The following PRORP variants were observed in gnomAD, a reference collection of about 807,000 sequenced individuals.
PRORP encodes the protein mitochondrial ribonuclease P catalytic subunit.
In PRORP, 51 loss-of-function variants were observed where a neutral mutation model predicts 59.4. The ratio of observed to expected loss-of-function variants is 0.86; its 90% CI spans 0.69 to 1.08. The LOEUF (loss-of-function observed/expected upper bound fraction) is 1.08, where lower values mean the gene tolerates loss of function less well. Ranked by LOEUF, PRORP falls within the 50% of genes least tolerant of loss-of-function variation. PRORP has a pLI of 0.00. For missense variants in PRORP, 646 were observed against 690.3 expected (o/e 0.94, Z 0.72); for synonymous variants, 231 against 245.6 (o/e 0.94, Z 0.55).
chr14:35,177,955 C>T lies in PRORP; in HGVS notation c.1168-2715C>T, dbSNP rs185596077. Among the ~76,000 whole-genome samples, 609 of 152,278 alleles carry T rather than the reference C, an allele frequency of 4.0e-3. 5 individuals are homozygous for T. Among genetic ancestry groups the T allele is most frequent in the African/African-American group, 0.014 (575 of 41,552 alleles). ...TTCTGGTATGTTTTGTCTTTGTTCTCATTGGTTTCAAAGAACATCTTTATT... is the reference window on the plus strand; with the variant it reads ...TTCTGGTATGTTTTGTCTTTGTTCTTATTGGTTTCAAAGAACATCTTTATT... On this transcript the variant is annotated intron_variant, in intron 4 of 7. Coordinates refer to ENST00000534898, the MANE Select transcript of PRORP (RefSeq NM_014672.4).
chr14:35,187,758 G>A (rs1310086863), intron 5 of PRORP, among the ~76,000 whole-genome samples: 1 of 151,886 alleles, frequency 6.6e-6, no homozygotes, highest in Non-Finnish European at 1.5e-5. Context: ...ATTTGCATTT[G>A]TTAATGATGC....
intron 4 of PRORP, among the ~76,000 whole-genome samples, chr14:35,152,741 AC>A (rs1364302102): frequency 6.7e-6 from 1 of 148,536 alleles, no homozygotes; most frequent in African/African-American, 2.5e-5. Flanking sequence ...GACGCTCCTC[AC>A]CTCCCAGACG....
At chr14:35,237,024 T>C (rs1419014192) in intron 5 of PRORP, among the ~76,000 whole-genome samples, 1 of 144,050 alleles carries the variant, frequency 6.9e-6, no homozygotes, top group Non-Finnish European at 1.5e-5. Context: ...CTTCCCTCCT[T>C]CTCTTCCTTC....
At chr14:35,227,102 C>G (rs1206281617) in intron 5 of PRORP, among the ~76,000 whole-genome samples, 1 of 151,740 alleles carries the variant, frequency 6.6e-6, no homozygotes, top group Non-Finnish European at 1.5e-5. Context: ...CAGATTTCTT[C>G]CTTTTGATTA....
intron 5 of PRORP, among the ~76,000 whole-genome samples, chr14:35,187,847 CT>C (rs553681091): frequency 1.6e-4 from 24 of 147,004 alleles, no homozygotes; most frequent in South Asian, 2.2e-4. Flanking sequence ...ATTTTCTTTT[CT>C]TTTTTTTTTT....
intron 5 of PRORP, among the ~76,000 whole-genome samples, chr14:35,243,498 T>G (rs563235976): frequency 9.4e-5 from 14 of 149,670 alleles, no homozygotes; most frequent in Non-Finnish European, 2.1e-4. Flanking sequence ...ATCACACCAC[T>G]GCACTCCAGT....
At chr14:35,207,328 C>T (rs990362992) in intron 5 of PRORP, among the ~76,000 whole-genome samples, 1 of 152,182 alleles carries the variant, frequency 6.6e-6, no homozygotes, top group African/African-American at 2.4e-5. Flanking sequence ...GGCTTACTTC[C>T]TGAAGGCAGA....
At chr14:35,238,251 G>A (rs1367511893) in intron 5 of PRORP, among the ~76,000 whole-genome samples, 1 of 152,176 alleles carries the variant, frequency 6.6e-6, no homozygotes, top group Non-Finnish European at 1.5e-5. Flanking sequence ...ACCAAAGTCT[G>A]TGGTCTTTTA....
intron 5 of PRORP, among the ~76,000 whole-genome samples, chr14:35,255,999 TA>T (rs2050741415): frequency 6.6e-6 from 1 of 151,976 alleles, no homozygotes. Context: ...GAAAAGATTT[TA>T]TCAGGCTGGG....
intron 5 of PRORP, among the ~76,000 whole-genome samples, chr14:35,249,275 G>A (rs1348933408): frequency 6.6e-6 from 1 of 152,022 alleles, no homozygotes; most frequent in African/African-American, 2.4e-5. Flanking sequence ...TCTTTAGTGA[G>A]GTAATCACAT....
At chr14:35,267,615 A>G (rs931373730) in intron 6 of PRORP, among the ~76,000 whole-genome samples, 3 of 152,066 alleles carry the variant, frequency 2.0e-5, no homozygotes, top group Non-Finnish European at 4.4e-5. Context: ...CCTCATCTCT[A>G]CTAAAAATAC....
chr14:35,214,654 C>T (rs2049539561), intron 5 of PRORP, among the ~76,000 whole-genome samples: 1 of 152,218 alleles, frequency 6.6e-6, no homozygotes, highest in African/African-American at 2.4e-5. Flanking sequence ...CGCCTATAAT[C>T]TCAACACTTT....
chr14:35,192,176 A>G (rs1159439202), intron 5 of PRORP, among the ~76,000 whole-genome samples: 3 of 152,188 alleles, frequency 2.0e-5, no homozygotes, highest in South Asian at 2.1e-4. Flanking sequence ...ACTGAATTGT[A>G]GGTACACTAG....
At position 35,153,855 on chromosome 14, in the gene PRORP, C is replaced by G. The variant is rs547853587; in HGVS notation, c.1167+26244C>G. Among the ~76,000 whole-genome samples, 4 of 152,296 alleles carry G rather than the reference C, an allele frequency of 2.6e-5. No homozygotes were observed. In the South Asian group the frequency reaches 8.3e-4, roughly 32 times the overall value. On this transcript the variant is annotated intron_variant, in intron 4 of 7. Transcript: ENST00000534898. The stretch of plus-strand genomic sequence containing the variant: ...TTCTTAGAGAAATTTAAGAGGTCCT[C>G]ACTCAAGTACTAATTCTGTTTCTTA...
chr14:35,203,519 C>T (rs1472838824), intron 5 of PRORP, among the ~76,000 whole-genome samples: 1 of 151,874 alleles, frequency 6.6e-6, no homozygotes, highest in Non-Finnish European at 1.5e-5. Flanking sequence ...AGAGTGATAC[C>T]CTGTCTCAAA....
At chr14:35,193,338 G>T (rs2048931100) in intron 5 of PRORP, among the ~76,000 whole-genome samples, 1 of 152,192 alleles carries the variant, frequency 6.6e-6, no homozygotes, top group African/African-American at 2.4e-5. Context: ...CTTATAGCAT[G>T]CTTGGGGCAT....
At chr14:35,234,608 A>G (rs1450687730) in intron 5 of PRORP, among the ~76,000 whole-genome samples, 1 of 143,982 alleles carries the variant, frequency 6.9e-6, no homozygotes, top group Non-Finnish European at 1.5e-5. Flanking sequence ...TACTTACTTC[A>G]TTTTTTTTTA....
intron 4 of PRORP, among the ~76,000 whole-genome samples, chr14:35,161,530 G>A (rs1179030403): frequency 1.3e-5 from 2 of 152,080 alleles, no homozygotes; most frequent in Non-Finnish European, 2.9e-5. Context: ...TTTTTTTAAA[G>A]TAGTTAACAG....
chr14:35,239,039 C>T lies in PRORP; in HGVS notation c.1276-27688C>T, dbSNP rs1007669912. On this transcript the variant is annotated intron_variant, in intron 5 of 7. Coordinates refer to ENST00000534898, the MANE Select transcript of PRORP (RefSeq NM_014672.4). ...AACTGGCTTAAAAGGCTGTGACTTG[C>T]CCAGAGGTAACAGCTCTCAAAACAC... 4.9e-4 allele frequency among the ~76,000 whole-genome samples: 74 copies of T among 152,028 alleles called. 1 individual carries two copies. The highest frequency in any genetic ancestry group is 1.7e-3 in the African/African-American group (70 of 41,404).
Sources: allele counts gnomAD v4.1 joint callset (sites outside exome capture counted in the v4.1 genomes callset), GRCh38; gene constraint gnomAD v4.1.1; transcripts MANE v1.5; gene names NCBI Gene and HGNC (gene_info 2026-07-23, HGNC 2026-07-21).